CCL8: variants seen among roughly 807,000 people sequenced by gnomAD.
The protein encoded by CCL8 is C-C motif chemokine 8.
Under a neutral mutation model 6.6 loss-of-function variants are expected in CCL8, and 3 were observed. The ratio of observed to expected loss-of-function variants is 0.45; its 90% CI spans 0.21 to 1.17. CCL8 has a LOEUF of 1.17. Among genes scored for constraint, CCL8 ranks in the 50% most tolerant of loss-of-function variants. The probability of loss-of-function intolerance (pLI) is 0.24; values close to 1 mark genes in which losing one functional copy is unlikely to be tolerated. For missense variants in CCL8, 127 were observed against 118.1 expected (o/e 1.08, Z -0.35); for synonymous variants, 49 against 41.8 (o/e 1.17, Z -0.67).
Position 34,320,424 on chromosome 17 carries a change from C to T in CCL8, c.194+38C>T, listed in dbSNP as rs1909485137. On this transcript the variant is annotated intron_variant, in intron 2 of 2. Coordinates refer to ENST00000394620, the MANE Select transcript of CCL8 (RefSeq NM_005623.3). ...TGCCTGGCACCCCCATTCAAAAGTT[C>T]TGATGGACAACATAGAGAAGTCAAG... The T allele has an allele frequency of 2.3e-6, 3 of 1,283,558 alleles. No individual in the cohort carries two copies. In the South Asian group the frequency reaches 3.6e-5, roughly 15 times the overall value. The allele number at this position is 1,283,558 out of a possible 1,614,324, so 79.5% of individuals were successfully genotyped here.
At chr17:34,320,663 C>T in intron 2 of CCL8, 139 bp from the exon 3 acceptor site, 1 of 622,134 alleles carries the variant, frequency 1.6e-6, no homozygotes, top group Non-Finnish European at 2.9e-6. Flanking sequence ...CTTCCTCCCA[C>T]TCTTCCCCTC....
rs889943500 is a variant in CCL8, at chr17:34,320,844, G to A, written c.237G>A (p.Lys79=). 1.9e-6 allele frequency: 3 copies of A among 1,611,502 alleles called. No homozygotes were observed. The African/African-American group carries it at 4.0e-5, about 22-fold the overall frequency. The change falls in exon 3 of 3, where the codon AAG becomes AAA. Residue 79 remains lysine (K), a synonymous_variant. Coordinates refer to ENST00000394620, the MANE Select transcript of CCL8 (RefSeq NM_005623.3). ...KRGKEVCADP[K]ERWVRDSMKH... ...GCAAGGAGGTCTGTGCTGACCCCAAGGAGAGATGGGTCAGGGATTCCATGA... is the reference window on the plus strand; with the variant it reads ...GCAAGGAGGTCTGTGCTGACCCCAAAGAGAGATGGGTCAGGGATTCCATGA...
In CCL8 at chr17:34,320,402, CT is replaced by C; in HGVS notation, c.194+17del. The C allele has an allele frequency of 6.7e-7, 1 of 1,487,338 alleles. No homozygotes were observed. The highest frequency in any genetic ancestry group is 1.1e-5 in the South Asian group (1 of 88,490). The allele number at this position is 1,487,338 out of a possible 1,614,324, so 92.1% of individuals were successfully genotyped here. A position where few individuals can be genotyped will look rare whatever the true frequency, so the allele number is the denominator to read the frequency against. On this transcript the variant is annotated intron_variant, in intron 2 of 2. Transcript: ENST00000394620. ...AAGCTGTGATGTGAGTGGACAGTGC[CT>C]GGCACCCCCATTCAAAAGTTCTGAT...
intron 1 of CCL8, 29 bp from the exon 2 acceptor site, chr17:34,320,240 T>C: frequency 7.2e-7 from 1 of 1,391,674 alleles, no homozygotes; most frequent in African/African-American, 1.4e-5. Context: ...GGGTCCTAAA[T>C]GTCTCATTCT....
chr17:34,320,222 C>A (rs1327288353), intron 1 of CCL8, 47 bp from the exon 2 acceptor site: 2 of 1,145,960 alleles, frequency 1.7e-6, no homozygotes, highest in South Asian at 2.5e-5. Context: ...CAAATGCACA[C>A]TTACGGTGGG....
rs1188159372 is a variant in CCL8, at chr17:34,321,388, T to C, written c.*481T>C. 6.5e-6 allele frequency: 1 copy of C among 152,722 alleles called. No homozygotes were observed. Among genetic ancestry groups the C allele is most frequent in the African/African-American group, 2.4e-5 (1 of 41,452 alleles). The allele number at this position is 152,722 out of a possible 1,614,324, so 9.5% of individuals were successfully genotyped here. ...AAAATTTCAAAAAGAAAAAAATATA[T>C]ATAATTTAAAACTACTTAGTCTTAT... On this transcript the variant is annotated 3_prime_UTR_variant, in exon 3 of 3. Transcript: ENST00000394620.
In CCL8 at chr17:34,319,550, T is replaced by C; in HGVS notation, c.49T>C (p.Phe17Leu). The change falls in exon 1 of 3, where the codon TTC (phenylalanine) becomes CTC (leucine). Residue 17 changes from phenylalanine to leucine, a missense_variant. Phe to Leu is a conservative substitution (Grantham distance 22). Coordinates refer to ENST00000394620, the MANE Select transcript of CCL8 (RefSeq NM_005623.3). ...GTGCCTGCTGCTCATGGCAGCCACT[T>C]TCAGCCCTCAGGGACTTGCTCAGCC... ...LLCLLLMAAT[F>L]SPQGLAQPDS... 6.2e-7 allele frequency: 1 copy of C among 1,613,838 alleles called. No individual in the cohort carries two copies. Among genetic ancestry groups the C allele is most frequent in the Non-Finnish European group, 8.5e-7 (1 of 1,179,808 alleles).
At position 34,320,309 on chromosome 17, in the gene CCL8, C is replaced by T. The variant is rs752495969; in HGVS notation, c.117C>T (p.Ile39=). The change falls in exon 2 of 3, where the codon ATC becomes ATT. Residue 39 remains isoleucine, a synonymous_variant. Transcript: ENST00000394620. ...SIPITCCFNV[I]NRKIPIQRLE... ...CAATCACCTGCTGCTTTAACGTGATCAATAGGAAAATTCCTATCCAGAGGC... is the reference window on the plus strand; with the variant it reads ...CAATCACCTGCTGCTTTAACGTGATTAATAGGAAAATTCCTATCCAGAGGC... 3.1e-6 allele frequency: 5 copies of T among 1,613,570 alleles called. No individual in the cohort carries two copies. In the Admixed American group the frequency reaches 8.3e-5, roughly 27 times the overall value.
intron 1 of CCL8, among the ~76,000 whole-genome samples, chr17:34,319,966 T>G (rs559582488): frequency 6.6e-6 from 1 of 152,162 alleles, no homozygotes; most frequent in Non-Finnish European, 1.5e-5. Flanking sequence ...CTAAAGCCCA[T>G]GAGGATGAAA....
intron 1 of CCL8, 127 bp from the exon 2 acceptor site, chr17:34,320,142 A>T: frequency 1.6e-6 from 1 of 643,100 alleles, no homozygotes; most frequent in South Asian, 1.9e-5. Context: ...TATCTCTGGG[A>T]TCTGGACTAA....
In CCL8 at chr17:34,320,368, G is replaced by A. The variant is rs1331488000; in HGVS notation, c.176G>A (p.Cys59Tyr). The change falls in exon 2 of 3, where the codon TGT becomes TAT. Residue 59 changes from cysteine (C) to tyrosine (Y), a missense_variant. Coordinates refer to ENST00000394620, the MANE Select transcript of CCL8 (RefSeq NM_005623.3). ...ESYTRITNIQ[C>Y]PKEAVIFKTK... ...TACACAAGAATCACCAACATCCAAT[G>A]TCCCAAGGAAGCTGTGATGTGAGTG... 3 of 1,610,962 alleles carry A rather than the reference G, an allele frequency of 1.9e-6. No homozygotes were observed. The highest frequency in any genetic ancestry group is 2.5e-6 in the Non-Finnish European group (3 of 1,177,274).
At position 34,320,966 on chromosome 17, in the gene CCL8, C is replaced by T. The variant is rs1340546954; in HGVS notation, c.*59C>T. The T allele has an allele frequency of 9.6e-7, 1 of 1,039,266 alleles. No individual in the cohort carries two copies. The highest frequency in any genetic ancestry group is 1.5e-6 in the Non-Finnish European group (1 of 686,594). The allele number at this position is 1,039,266 out of a possible 1,614,324, so 64.4% of individuals were successfully genotyped here. ...AGAAAAGCTTATTTATTTTCCCCAACCTCCCCCAGGTGCAGTGTGACATTA... is the reference window on the plus strand; with the variant it reads ...AGAAAAGCTTATTTATTTTCCCCAATCTCCCCCAGGTGCAGTGTGACATTA... On this transcript the variant is annotated 3_prime_UTR_variant, in exon 3 of 3. Transcript: ENST00000394620.
chr17:34,319,528 C>T lies in CCL8; in HGVS notation c.27C>T (p.Cys9=), dbSNP rs148233199. ...TGAAGGTTTCTGCAGCGCTTCTGTG[C>T]CTGCTGCTCATGGCAGCCACTTTCA... MKVSAALL[C]LLLMAATFSP... is the part of the protein sequence containing the mutation. The change falls in exon 1 of 3, where the codon TGC becomes TGT. Residue 9 remains cysteine (C), a synonymous_variant. Transcript: ENST00000394620. The T allele has an allele frequency of 6.5e-4, 1,055 of 1,613,816 alleles. No individual in the cohort carries two copies. The highest frequency in any genetic ancestry group is 8.3e-4 in the Non-Finnish European group (975 of 1,179,854).
intron 2 of CCL8, 133 bp from the exon 3 acceptor site, chr17:34,320,669 C>T: frequency 1.6e-6 from 1 of 625,000 alleles, no homozygotes; most frequent in African/African-American, 1.9e-5. Flanking sequence ...CCCACTCTTC[C>T]CCTCCCTCCT....
intron 1 of CCL8, 121 bp downstream of exon 1, chr17:34,319,698 A>T: frequency 1.4e-6 from 1 of 718,274 alleles, no homozygotes; most frequent in Admixed American, 2.7e-5. Flanking sequence ...GGTTCCCTTG[A>T]TCTTTCCTGA....
At chr17:34,320,468 C>T (rs775797674) in intron 2 of CCL8, 82 bp downstream of exon 2, 38 of 895,634 alleles carry the variant, frequency 4.2e-5, no homozygotes, top group African/African-American at 6.6e-5. Context: ...CCATATGAGT[C>T]GGATGCATAT....
In CCL8 at chr17:34,320,354, C is replaced by T. The variant is rs749643810; in HGVS notation, c.162C>T (p.Ile54=). The T allele has an allele frequency of 5.6e-6, 9 of 1,612,858 alleles. No individual in the cohort carries two copies. In the Admixed American group the frequency reaches 6.7e-5, roughly 12 times the overall value. Residue 54 remains isoleucine, a synonymous_variant, in exon 2 of 3, where the codon ATC becomes ATT. Transcript: ENST00000394620. The part of the protein sequence containing the change: ...PIQRLESYTR[I]TNIQCPKEAV... ...AGAGGCTGGAGAGCTACACAAGAAT[C>T]ACCAACATCCAATGTCCCAAGGAAG...
At chr17:34,320,000 C>T (rs1310737473) in intron 1 of CCL8, among the ~76,000 whole-genome samples, 1 of 152,168 alleles carries the variant, frequency 6.6e-6, no homozygotes, top group East Asian at 1.9e-4. Context: ...GGTATTGGAA[C>T]TTATGTTCCC....
chr17:34,319,443 T>A lies in CCL8; in HGVS notation c.-59T>A, dbSNP rs200602745. 1 of 1,499,218 alleles carries A rather than the reference T, an allele frequency of 6.7e-7. No individual in the cohort carries two copies. The highest frequency in any genetic ancestry group is 1.4e-5 in the African/African-American group (1 of 72,366). 92.9% of individuals were successfully genotyped at this position (1,499,218 alleles called of 1,614,324 possible). On this transcript the variant is annotated 5_prime_UTR_variant, in exon 1 of 3. Transcript: ENST00000394620. The stretch of plus-strand genomic sequence containing the variant: ...CAGAGCCACCGAGGAGCAGAGAGGT[T>A]GAGAACAACCCAGAAACCTTCACCT...
Sources: gnomAD v4.1 joint callset for allele counts (sites outside exome capture counted in the v4.1 genomes callset) on GRCh38, gnomAD v4.1.1 for gene constraint, MANE v1.5 for transcripts, NCBI Gene and HGNC (gene_info 2026-07-23, HGNC 2026-07-21) for gene names.